The following KIAA1958 variants were observed in gnomAD, a reference collection of about 807,000 sequenced individuals.
KIAA1958 encodes uncharacterized protein KIAA1958.
Under a neutral mutation model 47.2 loss-of-function variants are expected in KIAA1958, and 14 were observed. The observed-to-expected ratio is 0.30, with a 90% CI of 0.20 to 0.46. KIAA1958 has a LOEUF of 0.46. Among genes scored for constraint, KIAA1958 ranks in the 20% least tolerant of loss-of-function variants. The pLI is 1.00. For synonymous variants in KIAA1958, 354 were observed against 353.3 expected, an observed-to-expected ratio of 1.00 and a Z score of -0.02; for missense variants, 803 against 909.2, an observed-to-expected ratio of 0.88 and a Z score of 1.50.
intron 1 of KIAA1958, among the ~76,000 whole-genome samples, chr9:112,541,087 G>C (rs1834932986): frequency 6.6e-6 from 1 of 151,652 alleles, no homozygotes; most frequent in African/African-American, 2.4e-5. Context: ...TTTTTTTCTA[G>C]GTAAACAGTG....
intron 1 of KIAA1958, among the ~76,000 whole-genome samples, chr9:112,537,919 C>T: frequency 6.6e-6 from 1 of 151,834 alleles, no homozygotes; most frequent in African/African-American, 2.4e-5. Flanking sequence ...TTTGACTAGC[C>T]CAACACAAAT....
chr9:112,664,567 G>A lies in KIAA1958; in HGVS notation c.*4498G>A, dbSNP rs529111072. On this transcript the variant is annotated 3_prime_UTR_variant, in exon 4 of 4. Transcript: ENST00000337530. ...AAGCTGGTAACAGCTCTGAACAGAA[G>A]TATGTATTAAATGTTTCAAACTTGT... is the stretch of plus-strand genomic sequence containing the variant. 22 of 152,210 alleles carry A rather than the reference G, an allele frequency of 1.4e-4. No homozygotes were observed. Among genetic ancestry groups the A allele is most frequent in the Non-Finnish European group, 2.6e-4 (18 of 68,042 alleles). 9.4% of individuals were successfully genotyped at this position (152,210 alleles called of 1,614,324 possible).
At chr9:112,610,166 T>A (rs1187878845) in intron 2 of KIAA1958, among the ~76,000 whole-genome samples, 1 of 151,910 alleles carries the variant, frequency 6.6e-6, no homozygotes, top group African/African-American at 2.4e-5. Flanking sequence ...AGTAACTAGA[T>A]AAAAATAATC....
At chr9:112,658,095 G>A (rs992203466) in intron 3 of KIAA1958, among the ~76,000 whole-genome samples, 2 of 152,112 alleles carry the variant, frequency 1.3e-5, no homozygotes, top group African/African-American at 2.4e-5. Context: ...GACTTCAGGT[G>A]ATCTGCCCAC....
At chr9:112,635,207 C>G (rs1836782118) in intron 2 of KIAA1958, among the ~76,000 whole-genome samples, 1 of 127,054 alleles carries the variant, frequency 7.9e-6, no homozygotes, top group Non-Finnish European at 1.6e-5. Context: ...TTTTGAGATT[C>G]TTTATTTTGT....
chr9:112,659,372 T>C lies in KIAA1958; in HGVS notation c.1454T>C (p.Leu485Pro). ...ATSLHAIRRG[L>P]DRILKNAGVG... ...TCGCTCCATGCTATTCGCCGAGGCC[T>C]GGACCGCATCCTGAAGAATGCAGGT... The change falls in exon 4 of 4, where the codon CTG becomes CCG. Residue 485 changes from leucine (L) to proline (P), a missense_variant. Leu to Pro is a moderately conservative substitution (Grantham distance 98). Transcript: ENST00000337530. 6.2e-7 allele frequency: 1 copy of C among 1,614,144 alleles called. No homozygotes were observed. The highest frequency in any genetic ancestry group is 8.5e-7 in the Non-Finnish European group (1 of 1,180,028).
chr9:112,649,375 C>A (rs1837024261), intron 3 of KIAA1958, among the ~76,000 whole-genome samples: 1 of 150,688 alleles, frequency 6.6e-6, no homozygotes, highest in South Asian at 2.1e-4. Flanking sequence ...CCAGACTAAT[C>A]TCAAACTCCT....
At chr9:112,554,806 T>G (rs959181191) in intron 1 of KIAA1958, among the ~76,000 whole-genome samples, 3 of 152,142 alleles carry the variant, frequency 2.0e-5, no homozygotes, top group African/African-American at 7.2e-5. Context: ...ACAGCCTGAT[T>G]TGGAAGAACC....
At chr9:112,506,454 TCAAAA>T (rs916648494) in intron 1 of KIAA1958, among the ~76,000 whole-genome samples, 4 of 152,166 alleles carry the variant, frequency 2.6e-5, no homozygotes, top group South Asian at 2.1e-4. Context: ...AGACTCTGTT[TCAAAA>T]CAAAACAAAA....
At chr9:112,529,945 A>G (rs918087843) in intron 1 of KIAA1958, among the ~76,000 whole-genome samples, 2 of 151,670 alleles carry the variant, frequency 1.3e-5, no homozygotes, top group South Asian at 2.1e-4. Flanking sequence ...CTGGGTTCAC[A>G]CCATTCTCCT....
chr9:112,652,673 G>A (rs767545403), intron 3 of KIAA1958, among the ~76,000 whole-genome samples: 1 of 152,150 alleles, frequency 6.6e-6, no homozygotes, highest in Non-Finnish European at 1.5e-5. Context: ...AGGCAGGAGT[G>A]CAGTGGTGTG....
intron 2 of KIAA1958, among the ~76,000 whole-genome samples, chr9:112,635,049 T>C (rs1255773640): frequency 6.6e-6 from 1 of 152,214 alleles, no homozygotes; most frequent in Admixed American, 6.5e-5. Flanking sequence ...CCTATAATTT[T>C]CTTTTATTGT....
chr9:112,611,255 G>A (rs1023483367), intron 2 of KIAA1958, among the ~76,000 whole-genome samples: 3 of 151,942 alleles, frequency 2.0e-5, no homozygotes, highest in African/African-American at 7.3e-5. Flanking sequence ...AACGCTATAT[G>A]GAGCATAAAC....
intron 1 of KIAA1958, among the ~76,000 whole-genome samples, chr9:112,563,968 C>T (rs564264676): frequency 6.6e-6 from 1 of 152,154 alleles, no homozygotes; most frequent in East Asian, 1.9e-4. Context: ...CTTTTTTCTG[C>T]ATCTATTGAA....
intron 1 of KIAA1958, among the ~76,000 whole-genome samples, chr9:112,546,123 A>G (rs929618701): frequency 3.9e-5 from 6 of 152,142 alleles, no homozygotes; most frequent in African/African-American, 1.4e-4. Flanking sequence ...GACCCCACTG[A>G]GAAAACAGGA....
chr9:112,600,336 C>T (rs1836108749), intron 2 of KIAA1958, among the ~76,000 whole-genome samples: 1 of 152,186 alleles, frequency 6.6e-6, no homozygotes, highest in South Asian at 2.1e-4. Flanking sequence ...CCTTCTAGCA[C>T]AGCAGGGCTG....
intron 2 of KIAA1958, among the ~76,000 whole-genome samples, chr9:112,577,979 A>G (rs981581023): frequency 5.3e-5 from 8 of 152,146 alleles, no homozygotes; most frequent in African/African-American, 1.9e-4. Flanking sequence ...AACCTTTAAG[A>G]AAAACACTAT....
rs895910278 is a variant in KIAA1958 at position 112,548,806 on chromosome 9, A to C, written c.-24-25251A>C. Among the ~76,000 whole-genome samples, 9 of 152,236 alleles carry C rather than the reference A, an allele frequency of 5.9e-5. No individual in the cohort carries two copies. The East Asian group carries it at 1.7e-3, about 29-fold the overall frequency. On this transcript the variant is annotated intron_variant, in intron 1 of 3. Transcript: ENST00000337530. ...TCATATTTAGAGATAAGGTCCTTAAAAAGGTAATTTATGTTAAAATGAGGT... is the reference window on the plus strand; with the variant it reads ...TCATATTTAGAGATAAGGTCCTTAACAAGGTAATTTATGTTAAAATGAGGT...
intron 2 of KIAA1958, among the ~76,000 whole-genome samples, chr9:112,608,902 T>G (rs1349798520): frequency 6.6e-6 from 1 of 152,164 alleles, no homozygotes; most frequent in Non-Finnish European, 1.5e-5. Flanking sequence ...AGAGAATTTA[T>G]GATATGATGC....
Sources: gnomAD v4.1 joint callset for allele counts (sites outside exome capture counted in the v4.1 genomes callset) on GRCh38, gnomAD v4.1.1 for gene constraint, MANE v1.5 for transcripts, NCBI Gene and HGNC (gene_info 2026-07-23, HGNC 2026-07-21) for gene names.